RGS7: variants seen among roughly 807,000 people sequenced by gnomAD.
RGS7 encodes regulator of G-protein signaling 7.
A neutral mutation model predicts 81.1 loss-of-function variants in RGS7; 27 were observed. The observed-to-expected ratio is 0.33, with a 90% CI of 0.25 to 0.46. The LOEUF (loss-of-function observed/expected upper bound fraction) is 0.46. Among genes scored for constraint, RGS7 ranks in the 20% least tolerant of loss-of-function variants. RGS7 has a pLI of 1.00. For missense variants in RGS7, 396 were observed against 607.4 expected (o/e 0.65, Z 3.66); for synonymous variants, 208 against 207.7 (o/e 1.00, Z -0.01).
chr1:241,139,690 A>G (rs2067789400), intron 2 of RGS7, among the ~76,000 whole-genome samples: 1 of 152,052 alleles, frequency 6.6e-6, no homozygotes, highest in Non-Finnish European at 1.5e-5. Context: ...TATTATAACC[A>G]TTGTTCTGAG....
intron 3 of RGS7, among the ~76,000 whole-genome samples, chr1:241,017,244 C>G (rs1000434695): frequency 6.6e-6 from 1 of 152,070 alleles, no homozygotes; most frequent in Non-Finnish European, 1.5e-5. Context: ...GAGTCTGAGA[C>G]CAGCCTGGTC....
At chr1:241,125,291 G>A (rs73127601) in intron 2 of RGS7, among the ~76,000 whole-genome samples, 6,560 of 152,212 alleles carry the variant, frequency 0.043, 344 homozygotes, top group African/African-American at 0.13. Context: ...ATTTTATGAG[G>A]TTTCCTAGAA....
At chr1:240,970,205 G>A (rs1217501390) in intron 4 of RGS7, among the ~76,000 whole-genome samples, 1 of 152,202 alleles carries the variant, frequency 6.6e-6, no homozygotes, top group Non-Finnish European at 1.5e-5. Context: ...GGTGGGAAGT[G>A]AAGGCAGCCA....
intron 4 of RGS7, among the ~76,000 whole-genome samples, chr1:240,964,915 G>A (rs1235284968): frequency 2.6e-5 from 4 of 151,958 alleles, no homozygotes; most frequent in Non-Finnish European, 4.4e-5. Flanking sequence ...TTTTCCTTTC[G>A]GACACTTGTT....
intron 2 of RGS7, among the ~76,000 whole-genome samples, chr1:241,335,693 A>G (rs2082205777): frequency 7.0e-6 from 1 of 143,882 alleles, no homozygotes; most frequent in Non-Finnish European, 1.5e-5. Context: ...TTTAAAACAC[A>G]CACACACACA....
intron 3 of RGS7, among the ~76,000 whole-genome samples, chr1:241,043,884 G>A (rs559685810): frequency 2.6e-5 from 4 of 151,732 alleles, no homozygotes; most frequent in South Asian, 2.1e-4. Flanking sequence ...GAGCATCCAC[G>A]GATATTGGTA....
chr1:241,102,844 C>A (rs561172507), intron 2 of RGS7, among the ~76,000 whole-genome samples: 1 of 152,036 alleles, frequency 6.6e-6, no homozygotes, highest in South Asian at 2.1e-4. Context: ...TCACAGTCAC[C>A]AAGTCCACAT....
chr1:241,280,806 G>A (rs1213822125), intron 2 of RGS7, among the ~76,000 whole-genome samples: 1 of 152,210 alleles, frequency 6.6e-6, no homozygotes, highest in African/African-American at 2.4e-5. Flanking sequence ...CACCTGGCAT[G>A]TGTGCAAGAC....
At position 240,868,747 on chromosome 1, in the gene RGS7, A is replaced by C. The variant is rs77771185; in HGVS notation, c.527+29T>G. The C allele has an allele frequency of 4.4e-4, 717 of 1,613,388 alleles. 3 individuals are homozygous for C. In the African/African-American group the frequency reaches 5.4e-3, roughly 12 times the overall value. ...GAACAAAAAGGCCACAACTGGAACAAATCTTCCAAACGACTCACAAGGACT... is the reference window on the plus strand; with the variant it reads ...GAACAAAAAGGCCACAACTGGAACACATCTTCCAAACGACTCACAAGGACT... On this transcript the variant is annotated intron_variant, in intron 8 of 18. Transcript: ENST00000440928. This position sits in a 1 kb window ranked among gnomAD's most constrained non-coding sequence, Gnocchi z 5.1.
intron 2 of RGS7, among the ~76,000 whole-genome samples, chr1:241,300,994 A>T (rs2079720337): frequency 6.6e-6 from 1 of 152,182 alleles, no homozygotes; most frequent in Admixed American, 6.5e-5. Context: ...TTTAATTTGT[A>T]ATTCCCTAGT....
At chr1:241,302,220 T>A (rs1294575970) in intron 2 of RGS7, among the ~76,000 whole-genome samples, 1 of 151,854 alleles carries the variant, frequency 6.6e-6, no homozygotes, top group Non-Finnish European at 1.5e-5. Context: ...TGGAACAAAG[T>A]GAAGGGGGAG....
At chr1:241,287,146 A>T (rs542280020) in intron 2 of RGS7, among the ~76,000 whole-genome samples, 1 of 152,340 alleles carries the variant, frequency 6.6e-6, no homozygotes, top group African/African-American at 2.4e-5. Context: ...TAACATAATG[A>T]ACTTCAGTAA....
At chr1:240,841,133 G>A (rs971612248) in intron 9 of RGS7, among the ~76,000 whole-genome samples, 1 of 152,154 alleles carries the variant, frequency 6.6e-6, no homozygotes, top group African/African-American at 2.4e-5. Context: ...TTCTTTTCCT[G>A]TGCAATGTGA....
chr1:241,350,741 CAAAAAAAAAAA>C (rs71172699), intron 2 of RGS7, among the ~76,000 whole-genome samples: 24 of 88,556 alleles, frequency 2.7e-4, no homozygotes, highest in African/African-American at 8.5e-4. Context: ...GACCCCATCT[CAAAAAAAAAAA>C]AAAAAAAAAA....
chr1:240,844,944 T>G (rs531946077), intron 9 of RGS7, among the ~76,000 whole-genome samples: 1 of 152,332 alleles, frequency 6.6e-6, no homozygotes, highest in African/African-American at 2.4e-5. Context: ...GATTTCAACC[T>G]AATTTGTTTC....
intron 4 of RGS7, among the ~76,000 whole-genome samples, chr1:240,957,533 C>T (rs1166092789): frequency 1.3e-5 from 2 of 152,188 alleles, no homozygotes; most frequent in Non-Finnish European, 2.9e-5. Flanking sequence ...CTAGAGAACC[C>T]TGGCTAATAC....
intron 2 of RGS7, among the ~76,000 whole-genome samples, chr1:241,298,858 A>G (rs770000770): frequency 2.0e-5 from 3 of 152,222 alleles, no homozygotes; most frequent in African/African-American, 4.8e-5. Flanking sequence ...ATCAGTGTCC[A>G]GTGTTTTTAT....
Position 241,091,598 on chromosome 1 carries a change from A to AAAT in RGS7, c.175+7067_175+7068insATT, listed in dbSNP as rs1558705145. ...ATAAATAAATAAATAAATAAATAAA[A>AAAT]AAGCTGGCCGGATGCAATGGCTCGC... On this transcript the variant is annotated intron_variant, in intron 3 of 18. Coordinates refer to ENST00000440928, the MANE Select transcript of RGS7 (RefSeq NM_001364886.1). Among the ~76,000 whole-genome samples the AAAT allele has an allele frequency of 1.4e-3, 207 of 145,252 alleles. 1 individual carries two copies. The highest frequency in any genetic ancestry group is 2.1e-3 in the Non-Finnish European group (139 of 65,082).
intron 2 of RGS7, among the ~76,000 whole-genome samples, chr1:241,232,224 T>C (rs1318342829): frequency 7.0e-6 from 1 of 143,882 alleles, no homozygotes; most frequent in South Asian, 2.2e-4. Flanking sequence ...CTCTCTCTCT[T>C]TTGAGATGCC....
Sources: gnomAD v4.1 joint callset for allele counts (sites outside exome capture counted in the v4.1 genomes callset) on GRCh38, gnomAD v4.1.1 for gene constraint, Gnocchi (gnomAD v3.1) non-coding constraint, MANE v1.5 for transcripts, NCBI Gene and HGNC (gene_info 2026-07-23, HGNC 2026-07-21) for gene names.